NBAS: variants seen among roughly 807,000 people sequenced by gnomAD.
The protein encoded by NBAS is NAG/BC035112 fusion.
Under a neutral mutation model 302.5 loss-of-function variants are expected in NBAS, and 219 were observed. That is an observed-to-expected ratio of 0.72 (90% CI 0.65 to 0.81). The LOEUF (loss-of-function observed/expected upper bound fraction) is 0.81. NBAS is among the 30% of genes least tolerant of loss of function. The probability of loss-of-function intolerance (pLI) is 0.00; values close to 1 mark genes in which losing one functional copy is unlikely to be tolerated. For synonymous variants in NBAS, 1,118 were observed against 1,021.6 expected (o/e 1.09, Z -1.80); for missense variants, 2,932 against 2,841.6 (o/e 1.03, Z -0.72).
chr2:14,881,592 C>T, the NBAS span, among the ~76,000 whole-genome samples: 904 of 152,284 alleles, frequency 5.9e-3, 10 homozygotes, highest in African/African-American at 0.021. Context: ...TAAAGCAGAA[C>T]ATTTAAAAAC....
chr2:15,225,708 ATCTT>A (rs1412527690), intron 47 of NBAS, among the ~76,000 whole-genome samples: 1 of 152,176 alleles, frequency 6.6e-6, no homozygotes, highest in African/African-American at 2.4e-5. Flanking sequence ...TTTGAAGTAA[ATCTT>A]TCTTCTTTTT....
intron 44 of NBAS, among the ~76,000 whole-genome samples, chr2:15,264,803 T>G (rs1398170718): frequency 6.6e-6 from 1 of 152,156 alleles, no homozygotes; most frequent in African/African-American, 2.4e-5. Context: ...CTTCCTCCTC[T>G]TATATAATAG....
At chr2:15,004,667 ATTT>A in the NBAS span, among the ~76,000 whole-genome samples, 15 of 105,438 alleles carry the variant, frequency 1.4e-4, no homozygotes, top group African/African-American at 5.6e-4. Flanking sequence ...CTCCCAGCTG[ATTT>A]TTTTTTTTTT....
At chr2:14,801,665 A>G in the NBAS span, among the ~76,000 whole-genome samples, 1 of 151,650 alleles carries the variant, frequency 6.6e-6, no homozygotes. Flanking sequence ...TATGGGTTAT[A>G]TTTTTCCTCT....
intron 28 of NBAS, among the ~76,000 whole-genome samples, chr2:15,388,465 G>A (rs990584349): frequency 3.9e-5 from 6 of 151,984 alleles, no homozygotes; most frequent in Admixed American, 3.9e-4. Flanking sequence ...GTTAAAATGG[G>A]AGAAAAGAAA....
At chr2:14,894,582 G>A in the NBAS span, among the ~76,000 whole-genome samples, 3 of 151,876 alleles carry the variant, frequency 2.0e-5, no homozygotes, top group African/African-American at 7.3e-5. Context: ...TCCTCTGTGA[G>A]CAATGTTTAT....
intron 47 of NBAS, among the ~76,000 whole-genome samples, chr2:15,224,689 T>C (rs1667084689): frequency 1.3e-5 from 2 of 152,212 alleles, no homozygotes. Flanking sequence ...AGACAAGGCC[T>C]AGGTGAGCTT....
At chr2:14,849,960 G>C in the NBAS span, among the ~76,000 whole-genome samples, 12,184 of 119,572 alleles carry the variant, frequency 0.1, 3,773 homozygotes, top group African/African-American at 0.46. Flanking sequence ...CAACTGGTAC[G>C]AGCCGCTGCA....
At chr2:14,849,401 G>A in the NBAS span, among the ~76,000 whole-genome samples, 4 of 150,940 alleles carry the variant, frequency 2.7e-5, no homozygotes, top group African/African-American at 9.8e-5. Context: ...AAAGAAATGA[G>A]CAAAGCCTCC....
chr2:14,900,112 C>CTTTTTT, the NBAS span, among the ~76,000 whole-genome samples: 5,200 of 140,368 alleles, frequency 0.037, 188 homozygotes, highest in African/African-American at 0.067. Context: ...AAGTCACATG[C>CTTTTTT]TTTTTTTTTT....
the NBAS span, among the ~76,000 whole-genome samples, chr2:14,948,533 A>G: frequency 1.3e-5 from 2 of 152,126 alleles, no homozygotes; most frequent in Non-Finnish European, 2.9e-5. Context: ...CTAGGAATCA[A>G]TTTAACCAAA....
At chr2:15,212,192 C>T (rs916509965) in intron 48 of NBAS, among the ~76,000 whole-genome samples, 3 of 152,146 alleles carry the variant, frequency 2.0e-5, no homozygotes, top group African/African-American at 7.2e-5. Context: ...CCAGTACAGG[C>T]AATAAGACCA....
chr2:14,983,412 T>C, the NBAS span, among the ~76,000 whole-genome samples: 21 of 152,352 alleles, frequency 1.4e-4, no homozygotes, highest in South Asian at 3.5e-3. Context: ...TATAGGTCCA[T>C]AGAAAAAGTT....
intron 44 of NBAS, among the ~76,000 whole-genome samples, chr2:15,253,011 CAGG>C (rs1668432394): frequency 6.6e-6 from 1 of 152,136 alleles, no homozygotes; most frequent in East Asian, 1.9e-4. Context: ...GAAGCATCAG[CAGG>C]AGTTCATGTG....
chr2:15,322,337 T>C (rs1671849118), intron 38 of NBAS, among the ~76,000 whole-genome samples: 3 of 151,954 alleles, frequency 2.0e-5, no homozygotes, highest in Non-Finnish European at 4.4e-5. Flanking sequence ...TGCATACATA[T>C]GTAACAAACC....
the NBAS span, among the ~76,000 whole-genome samples, chr2:14,923,974 C>T: frequency 2.0e-5 from 3 of 152,104 alleles, no homozygotes; most frequent in Admixed American, 6.5e-5. Context: ...TACCCACCCT[C>T]GTCAAGTCTA....
chr2:15,258,080 C>A (rs547797396), intron 44 of NBAS, among the ~76,000 whole-genome samples: 2 of 152,236 alleles, frequency 1.3e-5, no homozygotes, highest in East Asian at 3.9e-4. Context: ...GGACGCCGAA[C>A]GGAGGGACTG....
chr2:15,125,316 A>G, the NBAS span, among the ~76,000 whole-genome samples: 1 of 152,208 alleles, frequency 6.6e-6, no homozygotes. Context: ...GAAGCTTACA[A>G]TCATGGCAGA....
chr2:15,239,016 A>T (rs890552596), intron 44 of NBAS, among the ~76,000 whole-genome samples: 3 of 152,286 alleles, frequency 2.0e-5, no homozygotes, highest in African/African-American at 7.2e-5. Context: ...ACTTATTATA[A>T]GAAAAAAATT....
Sources: allele counts gnomAD v4.1 joint callset (sites outside exome capture counted in the v4.1 genomes callset), GRCh38; gene constraint gnomAD v4.1.1; transcripts MANE v1.5; gene names NCBI Gene and HGNC (gene_info 2026-07-23, HGNC 2026-07-21).